The following NKAIN3 variants were observed in gnomAD, a reference collection of about 807,000 sequenced individuals.
NKAIN3 encodes sodium/potassium transporting ATPase interacting 3, also known as sodium/potassium-transporting ATPase subunit beta-1-interacting protein 3.
Under a neutral mutation model 30.2 loss-of-function variants are expected in NKAIN3, and 25 were observed. The ratio of observed to expected loss-of-function variants is 0.83; its 90% CI spans 0.60 to 1.16. The LOEUF (loss-of-function observed/expected upper bound fraction) is 1.16. Ranked by LOEUF, NKAIN3 falls within the 50% of genes most tolerant of loss-of-function variation. NKAIN3 has a pLI of 0.00. For synonymous variants in NKAIN3, 91 were observed against 89.6 expected (o/e 1.02, Z -0.09); for missense variants, 225 against 254.1 (o/e 0.89, Z 0.78).
intron 1 of NKAIN3, among the ~76,000 whole-genome samples, chr8:62,473,764 A>G (rs1295307399): frequency 6.7e-6 from 1 of 148,792 alleles, no homozygotes; most frequent in Non-Finnish European, 1.5e-5. Context: ...GCCTACCTCA[A>G]TTTTTACTTT....
chr8:62,585,710 G>A (rs953115298), intron 2 of NKAIN3, among the ~76,000 whole-genome samples: 5 of 152,118 alleles, frequency 3.3e-5, no homozygotes, highest in Non-Finnish European at 7.3e-5. Context: ...CTGGTCTGTG[G>A]CCTGGAGATT....
rs1167794448 is a variant in NKAIN3 at position 62,977,209 on chromosome 8, C to T, written c.*11802C>T. 1.3e-5 allele frequency among the ~76,000 whole-genome samples: 2 copies of T among 152,092 alleles called. No homozygotes were observed. The highest frequency in any genetic ancestry group is 2.9e-5 in the Non-Finnish European group (2 of 68,014). ...TATCTTTGTGGTGTTCTCTGTATTT[C>T]CTGAATTTGTATTCTGTATTTCCTA... On this transcript the variant is annotated 3_prime_UTR_variant, in exon 7 of 7. Coordinates refer to ENST00000623646, the MANE Select transcript of NKAIN3 (RefSeq NM_001304533.3).
At chr8:62,719,417 C>T (rs1324521754) in intron 3 of NKAIN3, among the ~76,000 whole-genome samples, 1 of 152,196 alleles carries the variant, frequency 6.6e-6, no homozygotes, top group Non-Finnish European at 1.5e-5. Context: ...AGAAACTAAT[C>T]TACCAAAAAT....
chr8:62,584,264 A>T (rs1042850377), intron 2 of NKAIN3, among the ~76,000 whole-genome samples: 1 of 152,224 alleles, frequency 6.6e-6, no homozygotes, highest in Admixed American at 6.5e-5. Context: ...TTTCAAAATA[A>T]CAAACACTTT....
At chr8:62,669,463 T>C (rs1236021998) in intron 3 of NKAIN3, among the ~76,000 whole-genome samples, 1 of 152,180 alleles carries the variant, frequency 6.6e-6, no homozygotes, top group East Asian at 1.9e-4. Context: ...CATATTTGGC[T>C]CAGAATAAAC....
In NKAIN3 at chr8:62,248,878, C is replaced by T; in HGVS notation, c.-196C>T. On this transcript the variant is annotated 5_prime_UTR_variant, in exon 1 of 7. Transcript: ENST00000623646. ...CGCCAGACGCTCGGGTCGTGCGCAC[C>T]GCACTGACCTCGGCCCGCCCCGCCG... 1 of 539,006 alleles carries T rather than the reference C, an allele frequency of 1.9e-6. No homozygotes were observed. The highest frequency in any genetic ancestry group is 3.2e-6 in the Non-Finnish European group (1 of 312,406). 33.4% of individuals were successfully genotyped at this position (539,006 alleles called of 1,614,324 possible).
intron 3 of NKAIN3, among the ~76,000 whole-genome samples, chr8:62,677,905 G>T (rs1307940009): frequency 2.0e-5 from 3 of 152,148 alleles, no homozygotes; most frequent in African/African-American, 7.2e-5. Context: ...CCCTGGTCTA[G>T]CTAGGCTGGT....
chr8:62,427,748 G>T (rs536832121), intron 1 of NKAIN3, among the ~76,000 whole-genome samples: 1 of 151,800 alleles, frequency 6.6e-6, no homozygotes, highest in Non-Finnish European at 1.5e-5. Flanking sequence ...TAGGGTACAT[G>T]TGTTATTTTT....
intron 1 of NKAIN3, among the ~76,000 whole-genome samples, chr8:62,534,085 C>G (rs1808572806): frequency 6.6e-6 from 1 of 152,096 alleles, no homozygotes; most frequent in Non-Finnish European, 1.5e-5. Context: ...TTTTCTGAGT[C>G]TCTCTCTATT....
chr8:62,261,241 T>C (rs542438355), intron 1 of NKAIN3, among the ~76,000 whole-genome samples: 29 of 152,232 alleles, frequency 1.9e-4, no homozygotes, highest in Non-Finnish European at 2.9e-4. Flanking sequence ...TAAAATTGTT[T>C]AAACATAATA....
chr8:62,583,838 A>G (rs1324685663), intron 2 of NKAIN3, among the ~76,000 whole-genome samples: 1 of 152,204 alleles, frequency 6.6e-6, no homozygotes, highest in Admixed American at 6.5e-5. Context: ...ATGGGTATAA[A>G]TTATCTATTT....
At chr8:62,594,279 C>A (rs1810751633) in intron 3 of NKAIN3, among the ~76,000 whole-genome samples, 2 of 151,978 alleles carry the variant, frequency 1.3e-5, no homozygotes, top group African/African-American at 4.8e-5. Context: ...TAACATAATC[C>A]TGATACCACC....
At chr8:62,368,570 G>A (rs1235436738) in intron 1 of NKAIN3, among the ~76,000 whole-genome samples, 5 of 151,630 alleles carry the variant, frequency 3.3e-5, no homozygotes, top group Non-Finnish European at 4.4e-5. Flanking sequence ...GCTGGGGAAG[G>A]GCATGAAGGG....
At chr8:62,997,687 G>C (rs868094486) in intron 5 of NKAIN3, among the ~76,000 whole-genome samples, 1 of 151,260 alleles carries the variant, frequency 6.6e-6, no homozygotes, top group East Asian at 1.9e-4. Flanking sequence ...CCTATAGTGA[G>C]AGAAGTAAAG....
chr8:62,863,962 G>T, intron 4 of NKAIN3: 1 of 838,002 alleles, frequency 1.2e-6, no homozygotes, highest in Non-Finnish European at 2.1e-6. Context: ...TGGTGGTGGT[G>T]GAGGTGGAGG....
At chr8:62,852,055 G>A (rs1217053015) in intron 4 of NKAIN3, among the ~76,000 whole-genome samples, 1 of 152,104 alleles carries the variant, frequency 6.6e-6, no homozygotes, top group Non-Finnish European at 1.5e-5. Flanking sequence ...TCTACCTCTG[G>A]TAGAATTCAG....
At chr8:62,598,785 A>G (rs1810909472) in intron 3 of NKAIN3, among the ~76,000 whole-genome samples, 1 of 152,068 alleles carries the variant, frequency 6.6e-6, no homozygotes, top group African/African-American at 2.4e-5. Flanking sequence ...TGGAACAGCT[A>G]GGAGCTTAGG....
intron 1 of NKAIN3, among the ~76,000 whole-genome samples, chr8:62,540,688 C>T (rs574556196): frequency 6.6e-6 from 1 of 152,064 alleles, no homozygotes; most frequent in South Asian, 2.1e-4. Context: ...GAAGAGCTCC[C>T]TCAATCATCA....
At position 62,287,368 on chromosome 8, in the gene NKAIN3, T is replaced by A. The variant is rs1813412328; in HGVS notation, c.54+38241T>A. On this transcript the variant is annotated intron_variant, in intron 1 of 6. Transcript: ENST00000623646. ...GGGTTACGCTGACCTCACATCCTGG[T>A]TTGAATCCTGATTCATTGAGCAGCA... Among the ~76,000 whole-genome samples the A allele has an allele frequency of 3.3e-5, 5 of 152,022 alleles. No individual in the cohort carries two copies. In the South Asian group the frequency reaches 1.0e-3, roughly 32 times the overall value.
Sources: gnomAD v4.1 joint callset for allele counts (sites outside exome capture counted in the v4.1 genomes callset) on GRCh38, gnomAD v4.1.1 for gene constraint, MANE v1.5 for transcripts, NCBI Gene and HGNC (gene_info 2026-07-23, HGNC 2026-07-21) for gene names.